The following LARP4B variants were observed in gnomAD, a reference collection of about 807,000 sequenced individuals.
LARP4B encodes the protein la-related protein 4B.
A neutral mutation model predicts 89.8 loss-of-function variants in LARP4B; 12 were observed. The ratio of observed to expected loss-of-function variants is 0.13; its 90% CI spans 0.09 to 0.22. LARP4B has a LOEUF of 0.22. Among genes scored for constraint, LARP4B ranks in the 10% least tolerant of loss-of-function variants. The pLI, the probability that LARP4B is intolerant of heterozygous loss-of-function variation, is 1.00. For missense variants in LARP4B, 757 were observed against 947.7 expected, an observed-to-expected ratio of 0.80 and a Z score of 2.64; for synonymous variants, 367 against 363.3, an observed-to-expected ratio of 1.01 and a Z score of -0.12.
At chr10:908,486 G>A (rs185740701) in intron 1 of LARP4B, among the ~76,000 whole-genome samples, 155 of 152,330 alleles carry the variant, frequency 1.0e-3, no homozygotes, top group East Asian at 2.3e-3. Context: ...ACAACCTGTG[G>A]CGTGGGAGTG....
At chr10:900,973 G>A (rs538128586) in intron 1 of LARP4B, among the ~76,000 whole-genome samples, 150 of 143,354 alleles carry the variant, frequency 1.0e-3, no homozygotes, top group Middle Eastern at 3.8e-3. Flanking sequence ...AGGCTGGAGT[G>A]CAATGGCACA....
chr10:873,006 C>T, intron 3 of LARP4B: 1 of 984,672 alleles, frequency 1.0e-6, no homozygotes, highest in Non-Finnish European at 1.2e-6. Context: ...ACCTCCTCAC[C>T]TTTGACGGTA....
chr10:985,780 C>T, the LARP4B span: 2 of 152,268 alleles, frequency 1.3e-5, no homozygotes, highest in Non-Finnish European at 1.5e-5. Context: ...ACAGCCCCTA[C>T]ATCAGGAACT....
chr10:976,332 C>T, the LARP4B span, among the ~76,000 whole-genome samples: 1 of 150,828 alleles, frequency 6.6e-6, no homozygotes, highest in Non-Finnish European at 1.5e-5. Flanking sequence ...GTGGACCCGG[C>T]CTAGTAGAAG....
chr10:921,430 T>A (rs1836977574), intron 1 of LARP4B, among the ~76,000 whole-genome samples: 1 of 152,198 alleles, frequency 6.6e-6, no homozygotes, highest in Non-Finnish European at 1.5e-5. Context: ...TAACTTCATG[T>A]GATTTCATGA....
the LARP4B span, chr10:972,553 A>C: frequency 2.2e-6 from 1 of 457,244 alleles, no homozygotes; most frequent in South Asian, 1.5e-5. Flanking sequence ...TAGAAGCCAG[A>C]GGAAGACAGA....
At chr10:939,878 C>CT in the LARP4B span, among the ~76,000 whole-genome samples, 9 of 152,216 alleles carry the variant, frequency 5.9e-5, no homozygotes, top group Admixed American at 3.9e-4. Flanking sequence ...GAGTCTTGCT[C>CT]TGTCGCCCAG....
intron 7 of LARP4B, among the ~76,000 whole-genome samples, chr10:841,590 G>A (rs1178662512): frequency 6.6e-6 from 1 of 152,228 alleles, no homozygotes; most frequent in African/African-American, 2.4e-5. Flanking sequence ...TGCAAGGTCT[G>A]TCCGAAAAGG....
the LARP4B span, among the ~76,000 whole-genome samples, chr10:959,271 A>G: frequency 6.6e-6 from 1 of 152,040 alleles, no homozygotes; most frequent in African/African-American, 2.4e-5. Flanking sequence ...CTGGGAAGGG[A>G]AATTTGGCAG....
intron 5 of LARP4B, among the ~76,000 whole-genome samples, chr10:853,543 G>A (rs191740531): frequency 6.6e-4 from 101 of 152,260 alleles, no homozygotes; most frequent in African/African-American, 2.3e-3. Context: ...AATTAGCTGG[G>A]CATGGTGGCA....
rs760589321 is a variant in LARP4B at position 885,649 on chromosome 10, C to T, written c.73G>A (p.Ala25Thr). Residue 25 changes from alanine to threonine, a missense_variant, in exon 2 of 18, where the codon GCT (alanine) becomes ACT (threonine). Transcript: ENST00000316157. ...CATTCGACAGCACCCACCAGATGAG[C>T]GCTGTCCTTGCCCTCCTGGACTCTC... is the stretch of plus-strand genomic sequence containing the variant. ...TQRVQEGKDS[A>T]HLMNGPISQT... 45 of 1,613,392 alleles carry T rather than the reference C, an allele frequency of 2.8e-5. No homozygotes were observed. The highest frequency in any genetic ancestry group is 1.6e-4 in the Middle Eastern group (1 of 6,084).
At chr10:957,331 T>A in the LARP4B span, among the ~76,000 whole-genome samples, 1 of 151,844 alleles carries the variant, frequency 6.6e-6, no homozygotes, top group Non-Finnish European at 1.5e-5. Flanking sequence ...CTCGGCTGAT[T>A]TTTGTTTTGT....
chr10:911,483 G>C (rs553731093), intron 1 of LARP4B, among the ~76,000 whole-genome samples: 1 of 152,226 alleles, frequency 6.6e-6, no homozygotes, highest in African/African-American at 2.4e-5. Flanking sequence ...TATGATTTTT[G>C]TGGAGGAAAA....
intron 3 of LARP4B, among the ~76,000 whole-genome samples, chr10:868,477 G>C (rs1248214814): frequency 1.3e-5 from 2 of 151,590 alleles, no homozygotes; most frequent in Non-Finnish European, 2.9e-5. Flanking sequence ...CTTCGTATGA[G>C]AATACTGTTT....
At chr10:957,213 A>G in the LARP4B span, among the ~76,000 whole-genome samples, 1 of 152,138 alleles carries the variant, frequency 6.6e-6, no homozygotes, top group African/African-American at 2.4e-5. Flanking sequence ...CCCAGGCTGG[A>G]GTGCAGTGGC....
chr10:962,868 G>A, the LARP4B span, among the ~76,000 whole-genome samples: 1 of 152,094 alleles, frequency 6.6e-6, no homozygotes, highest in African/African-American at 2.4e-5. Context: ...GAGCTCGGAA[G>A]ACCACCGGAA....
chr10:859,025 G>T (rs548766290), intron 5 of LARP4B, among the ~76,000 whole-genome samples: 1 of 151,838 alleles, frequency 6.6e-6, no homozygotes, highest in Admixed American at 6.6e-5. Flanking sequence ...GGTGGCTCAC[G>T]CCTGTAATCC....
At chr10:916,581 G>A (rs532234940) in intron 1 of LARP4B, among the ~76,000 whole-genome samples, 1 of 152,278 alleles carries the variant, frequency 6.6e-6, no homozygotes, top group South Asian at 2.1e-4. Context: ...TGTAATCCCA[G>A]ATACTTGGGA....
chr10:951,192 C>T, the LARP4B span, among the ~76,000 whole-genome samples: 4 of 152,140 alleles, frequency 2.6e-5, no homozygotes, highest in Non-Finnish European at 4.4e-5. Context: ...ATCCTGTTAG[C>T]TGCAGGTGTT....
Sources: allele counts gnomAD v4.1 joint callset (sites outside exome capture counted in the v4.1 genomes callset), GRCh38; gene constraint gnomAD v4.1.1; transcripts MANE v1.5; gene names NCBI Gene and HGNC (gene_info 2026-07-23, HGNC 2026-07-21).